Variants in SHROOM4 observed in about 807,000 individuals in gnomAD.
The protein encoded by SHROOM4 is protein Shroom4.
In SHROOM4, 17 loss-of-function variants were observed where a neutral mutation model predicts 80.3. The observed-to-expected ratio is 0.21, with a 90% CI of 0.14 to 0.32. The LOEUF is 0.32. Among genes scored for constraint, SHROOM4 ranks in the 10% least tolerant of loss-of-function variants. The probability of loss-of-function intolerance (pLI) is 1.00; values close to 1 mark genes in which losing one functional copy is unlikely to be tolerated. For synonymous variants in SHROOM4, 400 were observed against 437.5 expected (o/e 0.91, Z 1.07); for missense variants, 993 against 1,140.3 (o/e 0.87, Z 1.86).
intron 5 of SHROOM4, among the ~76,000 whole-genome samples, 169 bp downstream of exon 5, chrX:50,627,445 G>A (rs1930846508): frequency 9.0e-6 from 1 of 111,231 alleles, no homozygotes. Flanking sequence ...AGCTATCTAG[G>A]AGTGCGGGGG....
intron 1 of SHROOM4, among the ~76,000 whole-genome samples, chrX:50,737,760 C>CTG (rs1308008922): frequency 9.0e-6 from 1 of 111,707 alleles, no homozygotes; most frequent in Admixed American, 9.5e-5. Flanking sequence ...CAAGGAGGAG[C>CTG]TGGTACCATT....
intron 2 of SHROOM4, among the ~76,000 whole-genome samples, chrX:50,666,260 C>G (rs1452360405): frequency 8.9e-6 from 1 of 111,772 alleles, no homozygotes; most frequent in Non-Finnish European, 1.9e-5. Context: ...GGATACAACA[C>G]ACAGGCAACA....
intron 4 of SHROOM4, among the ~76,000 whole-genome samples, chrX:50,628,107 C>A (rs782409950): frequency 4.3e-4 from 48 of 111,820 alleles, no homozygotes; most frequent in Non-Finnish European, 7.9e-4. Flanking sequence ...AAGCCCTGAC[C>A]CTTGAGGGGG....
intron 1 of SHROOM4, among the ~76,000 whole-genome samples, chrX:50,743,777 G>A (rs782794326): frequency 1.8e-5 from 2 of 111,820 alleles, no homozygotes; most frequent in South Asian, 3.7e-4. Flanking sequence ...ATTTCTTTCC[G>A]TTTTTCTCAT....
intron 2 of SHROOM4, among the ~76,000 whole-genome samples, chrX:50,652,490 G>C (rs112750157): frequency 0.026 from 2,845 of 111,521 alleles, 98 homozygotes; most frequent in African/African-American, 0.089. Flanking sequence ...CAGATGGATA[G>C]ATTGCAAAAA....
intron 1 of SHROOM4, among the ~76,000 whole-genome samples, chrX:50,751,670 C>G (rs1934922022): frequency 8.9e-6 from 1 of 112,036 alleles, no homozygotes; most frequent in African/African-American, 3.2e-5. Context: ...TGTTCCTGAT[C>G]ATGCAAAATA....
chrX:50,611,437 G>C (rs1416348416), intron 5 of SHROOM4, among the ~76,000 whole-genome samples: 1 of 110,780 alleles, frequency 9.0e-6, no homozygotes, highest in Non-Finnish European at 1.9e-5. Context: ...TGACAATACG[G>C]TAACACTAGA....
chrX:50,779,616 G>A (rs782039162), intron 1 of SHROOM4, among the ~76,000 whole-genome samples: 18 of 111,664 alleles, frequency 1.6e-4, no homozygotes, highest in South Asian at 3.8e-4. Context: ...GACTGCCCCT[G>A]TACAGGAAGT....
At chrX:50,606,888 C>T (rs1557248630) in intron 6 of SHROOM4, among the ~76,000 whole-genome samples, 4 of 109,514 alleles carry the variant, frequency 3.7e-5, no homozygotes, top group African/African-American at 6.7e-5. Flanking sequence ...TGTGGGGGGA[C>T]GAGTTTAGAA....
At chrX:50,629,043 C>T (rs1930936024) in intron 4 of SHROOM4, among the ~76,000 whole-genome samples, 1 of 111,987 alleles carries the variant, frequency 8.9e-6, no homozygotes. Context: ...TGTCCATGCC[C>T]TGTCTAGCCC....
intron 5 of SHROOM4, among the ~76,000 whole-genome samples, chrX:50,625,842 G>A (rs1930776159): frequency 8.9e-6 from 1 of 111,754 alleles, no homozygotes. Flanking sequence ...TACCTAGGCT[G>A]GTCTACCTAG....
intron 2 of SHROOM4, among the ~76,000 whole-genome samples, chrX:50,642,055 C>G (rs1557257247): frequency 8.9e-6 from 1 of 112,250 alleles, no homozygotes; most frequent in East Asian, 2.8e-4. Flanking sequence ...GGAGCCAGAG[C>G]TAGAGCCTTC....
chrX:50,754,463 A>G (rs970208956), intron 1 of SHROOM4, among the ~76,000 whole-genome samples: 1 of 111,869 alleles, frequency 8.9e-6, no homozygotes, highest in African/African-American at 3.2e-5. Context: ...GCTCGCTCCA[A>G]TCATTTATAT....
chrX:50,597,519 C>T (rs1355949634), intron 8 of SHROOM4, among the ~76,000 whole-genome samples: 1 of 111,723 alleles, frequency 9.0e-6, no homozygotes, highest in Non-Finnish European at 1.9e-5. Flanking sequence ...GACAGCTTTC[C>T]AATCTCAAAT....
chrX:50,757,590 A>G (rs1214547287), intron 1 of SHROOM4, among the ~76,000 whole-genome samples: 2 of 111,908 alleles, frequency 1.8e-5, no homozygotes, highest in Admixed American at 1.9e-4. Context: ...TGGGAGGCCA[A>G]GGTGGGTGGA....
intron 5 of SHROOM4, among the ~76,000 whole-genome samples, chrX:50,616,942 G>T (rs1930266392): frequency 8.9e-6 from 1 of 111,799 alleles, no homozygotes; most frequent in South Asian, 3.8e-4. Flanking sequence ...CTCCGATGTA[G>T]ATTTTATGAA....
intron 1 of SHROOM4, among the ~76,000 whole-genome samples, chrX:50,756,827 T>G (rs1490103539): frequency 3.6e-5 from 4 of 112,123 alleles, no homozygotes; most frequent in African/African-American, 1.3e-4. Context: ...ATCCTGCTTT[T>G]TAATGTATAA....
intron 5 of SHROOM4, among the ~76,000 whole-genome samples, chrX:50,611,680 G>A (rs1569546524): frequency 9.0e-6 from 1 of 110,836 alleles, no homozygotes; most frequent in Non-Finnish European, 1.9e-5. Context: ...AGCACTTTGG[G>A]AGGCCGAGGC....
intron 1 of SHROOM4, among the ~76,000 whole-genome samples, chrX:50,769,557 T>G (rs1215758936): frequency 9.0e-6 from 1 of 111,541 alleles, no homozygotes; most frequent in Non-Finnish European, 1.9e-5. Context: ...GCACAATCAT[T>G]CACTTGTTCT....
Sources: gnomAD v4.1 joint callset for allele counts (sites outside exome capture counted in the v4.1 genomes callset) on GRCh38, gnomAD v4.1.1 for gene constraint, MANE v1.5 for transcripts, NCBI Gene and HGNC (gene_info 2026-07-23, HGNC 2026-07-21) for gene names.